Variants in ZNF544 observed in about 807,000 individuals in gnomAD.
ZNF544 encodes the protein zinc finger protein 544, also known as zinc finger protein AF020591.
Under a neutral mutation model 13.5 loss-of-function variants are expected in ZNF544, and 10 were observed. The ratio of observed to expected loss-of-function variants is 0.74; its 90% CI spans 0.46 to 1.25. ZNF544 has a LOEUF of 1.25. Ranked by LOEUF, ZNF544 falls within the 50% of genes most tolerant of loss-of-function variation. The pLI is 0.00. For synonymous variants in ZNF544, 323 were observed against 300.5 expected (o/e 1.07, Z -0.77); for missense variants, 896 against 845.6 (o/e 1.06, Z -0.74).
Position 58,237,607 on chromosome 19 carries a change from C to T in ZNF544, c.-59-6358C>T, listed in dbSNP as rs1022572070. 9.2e-5 allele frequency among the ~76,000 whole-genome samples: 14 copies of T among 152,234 alleles called. 1 individual carries two copies. The highest frequency in any genetic ancestry group is 1.6e-4 in the Non-Finnish European group (11 of 68,042). ...GGCCCTTCCAGCTACAGGTAGGACC[C>T]TCACACCCACCTTCTTTTTGCTTTT... is the stretch of plus-strand genomic sequence containing the variant. On this transcript the variant is annotated intron_variant, in intron 3 of 6. Coordinates refer to ENST00000687789, the MANE Select transcript of ZNF544 (RefSeq NM_014480.4).
intron 3 of ZNF544, among the ~76,000 whole-genome samples, chr19:58,237,212 C>A (rs150304046): frequency 1.1e-4 from 17 of 151,728 alleles, no homozygotes; most frequent in African/African-American, 4.1e-4. Context: ...TACAGGTGTG[C>A]GCCACCACAC....
rs761084589 is a variant in ZNF544, at chr19:58,261,919, G to A, written c.1313G>A (p.Cys438Tyr). ...CACACTGGAGAAAAACCGTATCAGT[G>A]TATTGAATGCAGAAAATCCTTCAGG... Reference protein sequence around the residue: ...RIHTGEKPYQCIECRKSFRWN... With the variant: ...RIHTGEKPYQYIECRKSFRWN... Residue 438 changes from cysteine (C) to tyrosine (Y), a missense_variant, in exon 7 of 7, where the codon TGT becomes TAT. Cys to Tyr is a radical substitution (Grantham distance 194). Coordinates refer to ENST00000687789, the MANE Select transcript of ZNF544 (RefSeq NM_014480.4). The A allele has an allele frequency of 1.2e-6, 2 of 1,613,476 alleles. No homozygotes were observed. The highest frequency in any genetic ancestry group is 1.7e-6 in the Non-Finnish European group (2 of 1,179,948).
chr19:58,274,392 G>A (rs779401360), intron 5 of ZNF544, among the ~76,000 whole-genome samples: 7 of 152,048 alleles, frequency 4.6e-5, no homozygotes, highest in East Asian at 1.9e-4. Context: ...AACTTGTCAC[G>A]CATACAGGGA....
At chr19:58,258,870 G>A (rs866939252) in intron 6 of ZNF544, 1 of 152,154 alleles carries the variant, frequency 6.6e-6, no homozygotes, top group African/African-American at 2.4e-5. Context: ...GTGACAAGCA[G>A]AGTGGAGGAT....
chr19:58,251,664 A>T (rs2046321476), intron 6 of ZNF544, among the ~76,000 whole-genome samples: 1 of 152,162 alleles, frequency 6.6e-6, no homozygotes, highest in African/African-American at 2.4e-5. Context: ...ATGTTTCTGG[A>T]TCAGAGATTA....
In ZNF544 at chr19:58,273,247, A is replaced by C. The variant is rs150765684; in HGVS notation, c.245-3076A>C. ...ATATTATCATATACTTTAATAGCAC[A>C]ACAAAATTACAAATTAATAATTGTG... On this transcript the variant is annotated intron_variant, in intron 5 of 6. Coordinates refer to the ZNF544 transcript ENST00000595981. 5.7e-3 allele frequency among the ~76,000 whole-genome samples: 874 copies of C among 152,328 alleles called. 11 individuals carry two copies. The highest frequency in any genetic ancestry group is 0.02 in the African/African-American group (842 of 41,592).
chr19:58,255,640 A>G (rs566035263), intron 6 of ZNF544, among the ~76,000 whole-genome samples: 3 of 152,320 alleles, frequency 2.0e-5, no homozygotes, highest in East Asian at 1.9e-4. Context: ...AGAGAAGGTA[A>G]GTCAAATGCA....
chr19:58,239,734 A>C (rs576757151), intron 3 of ZNF544, among the ~76,000 whole-genome samples: 1 of 152,274 alleles, frequency 6.6e-6, no homozygotes, highest in East Asian at 1.9e-4. Flanking sequence ...CCCCGTCTTT[A>C]CTAAAAATAC....
intron 4 of ZNF544, among the ~76,000 whole-genome samples, chr19:58,245,042 GT>G (rs1433319006): frequency 6.6e-6 from 1 of 151,992 alleles, no homozygotes; most frequent in Non-Finnish European, 1.5e-5. Context: ...CCGCCTCCTG[GT>G]TTCAAGCAAT....
chr19:58,266,317 C>T (rs2049887938), downstream of ZNF544, among the ~76,000 whole-genome samples: 1 of 150,480 alleles, frequency 6.6e-6, no homozygotes, highest in East Asian at 2.0e-4. Context: ...AGATCAAGAC[C>T]ATCCTGGCTA....
chr19:58,271,261 C>T (rs1359708954), intron 5 of ZNF544, among the ~76,000 whole-genome samples: 4 of 149,314 alleles, frequency 2.7e-5, no homozygotes, highest in Non-Finnish European at 3.0e-5. Context: ...ATTAGAATTA[C>T]GGAGGTGTCC....
intron 1 of ZNF544, chr19:58,229,249 C>T (rs1053852260): frequency 5.3e-5 from 7 of 132,622 alleles, no homozygotes; most frequent in African/African-American, 8.2e-5. Flanking sequence ...ACTTATAGTA[C>T]CTCGCAGGTA....
intron 3 of ZNF544, among the ~76,000 whole-genome samples, chr19:58,234,177 C>G (rs937906409): frequency 1.3e-5 from 2 of 152,190 alleles, no homozygotes; most frequent in Non-Finnish European, 2.9e-5. Context: ...GAGATAGAAT[C>G]TAAACTTGTA....
intron 4 of ZNF544, among the ~76,000 whole-genome samples, chr19:58,244,870 C>G (rs1000245578): frequency 1.3e-5 from 2 of 152,124 alleles, no homozygotes; most frequent in Non-Finnish European, 2.9e-5. Flanking sequence ...AGCCACCATG[C>G]GCAGCCTCTT....
intron 6 of ZNF544, among the ~76,000 whole-genome samples, chr19:58,256,114 G>A (rs2147426427): frequency 6.6e-6 from 1 of 152,280 alleles, no homozygotes; most frequent in East Asian, 1.9e-4. Context: ...GGATCCGTAA[G>A]TTGGAAAGGG....
At chr19:58,265,073 T>C (rs1006421949), downstream of ZNF544, among the ~76,000 whole-genome samples, 1 of 152,186 alleles carries the variant, frequency 6.6e-6, no homozygotes, top group African/African-American at 2.4e-5. Flanking sequence ...GCTTTAACTT[T>C]GTTGCTCAGT....
chr19:58,247,875 G>C (rs1326007682), intron 6 of ZNF544, among the ~76,000 whole-genome samples: 1 of 151,858 alleles, frequency 6.6e-6, no homozygotes, highest in African/African-American at 2.4e-5. Context: ...ACTTGGATTT[G>C]TATTGTACAT....
rs2049267612 is a variant in ZNF544 at position 58,262,759 on chromosome 19, G to A, written c.*5G>A. The A allele has an allele frequency of 2.7e-5, 43 of 1,581,510 alleles. No homozygotes were observed. The East Asian group carries it at 8.8e-4, about 32-fold the overall frequency. ...CATACTGGAGAGAAACCTTAGGAGT[G>A]CAGTCATTGTGGGAAAGCTTTCATC... On this transcript the variant is annotated 3_prime_UTR_variant, in exon 7 of 7. Transcript: ENST00000687789.
In ZNF544 at chr19:58,263,297, C is replaced by CA; in HGVS notation, c.*549dup. ...GTAACATGGCAAAATCCTGTCTTTA[C>CA]AAAAAATACAAAAATTAGCCTAGCA... On this transcript the variant is annotated 3_prime_UTR_variant, in exon 7 of 7. Coordinates refer to ENST00000687789, the MANE Select transcript of ZNF544 (RefSeq NM_014480.4). 3.7e-6 allele frequency: 3 copies of CA among 816,932 alleles called. No individual in the cohort carries two copies. Among genetic ancestry groups the CA allele is most frequent in the South Asian group, 5.5e-5 (1 of 18,150 alleles). The allele number at this position is 816,932 out of a possible 1,614,324, so 50.6% of individuals were successfully genotyped here.
Sources: allele counts gnomAD v4.1 joint callset (sites outside exome capture counted in the v4.1 genomes callset), GRCh38; gene constraint gnomAD v4.1.1; transcripts MANE v1.5; gene names NCBI Gene and HGNC (gene_info 2026-07-23, HGNC 2026-07-21).